Variants in LAMC3 observed in about 807,000 individuals in gnomAD.
LAMC3 encodes the protein laminin subunit gamma-3.
In LAMC3, 128 loss-of-function variants were observed where a neutral mutation model predicts 173.8. The observed-to-expected ratio is 0.74, with a 90% confidence interval of 0.64 to 0.85. LAMC3 has a LOEUF of 0.85. Among genes scored for constraint, LAMC3 ranks in the 40% least tolerant of loss-of-function variants. The pLI, the probability that LAMC3 is intolerant of heterozygous loss-of-function variation, is 0.00. For synonymous variants in LAMC3, 897 were observed against 909.1 expected, an observed-to-expected ratio of 0.99 and a Z score of 0.24; for missense variants, 2,022 against 2,156.0, an observed-to-expected ratio of 0.94 and a Z score of 1.23.
At position 131,087,811 on chromosome 9, in the gene LAMC3, A is replaced by G. The variant is rs775633231; in HGVS notation, c.4471A>G (p.Arg1491Gly). The G allele has an allele frequency of 7.4e-6, 12 of 1,613,742 alleles. No individual in the cohort carries two copies. The highest frequency in any genetic ancestry group is 1.0e-5 in the Non-Finnish European group (12 of 1,179,944). The change falls in exon 27 of 28, where the codon AGG becomes GGG. Residue 1491 changes from arginine to glycine, a missense_variant. By Grantham distance (125) the Arg-to-Gly change is moderately radical. Transcript: ENST00000361069. ...CGAGACCTTGTCAGAGCTGCTTGCC[A>G]GGCTGGGTAAGGAGGCCCTAAGGCT... ...DIETLSELLA[R>G]LGSLDTHQAP...
At chr9:131,035,547 C>T (rs1303455732) in intron 3 of LAMC3, among the ~76,000 whole-genome samples, 1 of 152,134 alleles carries the variant, frequency 6.6e-6, no homozygotes, top group Non-Finnish European at 1.5e-5. Context: ...CCTGATGATC[C>T]AATCAGCTCC....
At chr9:131,082,234 GC>G in intron 24 of LAMC3, 73 bp downstream of exon 24, 1 of 1,119,152 alleles carries the variant, frequency 8.9e-7, no homozygotes, top group Non-Finnish European at 1.3e-6. Flanking sequence ...TCTCGCCTCA[GC>G]CAGGGCAGGC....
intron 12 of LAMC3, among the ~76,000 whole-genome samples, chr9:131,058,324 G>A (rs1418431750): frequency 6.6e-6 from 1 of 151,948 alleles, no homozygotes; most frequent in Non-Finnish European, 1.5e-5. Flanking sequence ...CCATGTTGAG[G>A]CTGGTCTCAA....
Position 131,075,863 on chromosome 9 carries a change from C to G in LAMC3, c.3527C>G (p.Thr1176Ser), listed in dbSNP as rs760826711. Reference protein sequence around the residue: ...HRDTATKIAATAWRALLASNT... With the variant: ...HRDTATKIAASAWRALLASNT... ...GACACCGCCACCAAGATCGCAGCCA[C>G]TGCTTGGAGGGCCCTGCTCGCCTCC... The change falls in exon 21 of 28, where the codon ACT (threonine) becomes AGT (serine). Residue 1176 changes from threonine (T) to serine (S), a missense_variant. Thr to Ser is a moderately conservative substitution (Grantham distance 58). Coordinates refer to ENST00000361069, the MANE Select transcript of LAMC3 (RefSeq NM_006059.4). 8 of 1,612,536 alleles carry G rather than the reference C, an allele frequency of 5.0e-6. No individual in the cohort carries two copies. In the African/African-American group the frequency reaches 5.3e-5, roughly 11 times the overall value.
intron 27 of LAMC3, among the ~76,000 whole-genome samples, chr9:131,091,007 C>T (rs900280313): frequency 2.0e-5 from 3 of 152,166 alleles, no homozygotes; most frequent in Non-Finnish European, 2.9e-5. Flanking sequence ...GACAACAGAG[C>T]GAGACTCCGT....
At chr9:131,041,266 C>G (rs1834049913) in intron 6 of LAMC3, among the ~76,000 whole-genome samples, 1 of 150,754 alleles carries the variant, frequency 6.6e-6, no homozygotes, top group African/African-American at 2.4e-5. Context: ...ACTCAGGAGG[C>G]TGAGACAGGA....
chr9:131,056,515 A>G (rs1041451733), intron 11 of LAMC3, among the ~76,000 whole-genome samples: 3 of 135,284 alleles, frequency 2.2e-5, no homozygotes, highest in African/African-American at 5.3e-5. Flanking sequence ...ATAAAAATCA[A>G]CCAGCGCAGT....
rs1830005244 is a variant in LAMC3, at chr9:131,069,677, A to G, written c.2896A>G (p.Arg966Gly). Residue 966 changes from arginine to glycine, a missense_variant, in exon 17 of 28, where the codon AGG becomes GGG. By Grantham distance (125) the Arg-to-Gly change is moderately radical. Coordinates refer to ENST00000361069, the MANE Select transcript of LAMC3 (RefSeq NM_006059.4). ...GFSIKGCRACRCSPLGAASAQ... is the reference protein window; with the variant it reads ...GFSIKGCRACGCSPLGAASAQ... ...ACTGCCCCTGGCCCCTCTAGCCTGC[A>G]GGTGCTCCCCACTGGGCGCTGCCTC... 1 of 1,568,790 alleles carries G rather than the reference A, an allele frequency of 6.4e-7. No homozygotes were observed. Among genetic ancestry groups the G allele is most frequent in the South Asian group, 1.1e-5 (1 of 87,456 alleles).
intron 8 of LAMC3, 109 bp from the exon 9 acceptor site, chr9:131,048,911 C>T: frequency 1.5e-6 from 1 of 645,170 alleles, no homozygotes; most frequent in South Asian, 2.0e-5. Flanking sequence ...AGCTTTCTAG[C>T]TTCTCCTGGG....
rs1423057388 is a variant in LAMC3, at chr9:131,077,113, T to C, written c.3630-74T>C. On this transcript the variant is annotated intron_variant, in intron 21 of 27. Coordinates refer to ENST00000361069, the MANE Select transcript of LAMC3 (RefSeq NM_006059.4). ...GCAGAGGCCTTTGCAAACCAGTGGCTCCAGCCTGGGGCCCAGACAGGGATG... is the reference window on the plus strand; with the variant it reads ...GCAGAGGCCTTTGCAAACCAGTGGCCCCAGCCTGGGGCCCAGACAGGGATG... 20 of 1,596,118 alleles carry C rather than the reference T, an allele frequency of 1.3e-5. No individual in the cohort carries two copies. The East Asian group carries it at 4.5e-4, about 36-fold the overall frequency.
chr9:131,048,995 G>A, intron 8 of LAMC3, 25 bp from the exon 9 acceptor site: 3 of 1,456,994 alleles, frequency 2.1e-6, no homozygotes, highest in Non-Finnish European at 2.8e-6. Flanking sequence ...ACACTGATCG[G>A]GGGGTGTCTG....
rs766591439 is a variant in LAMC3, at chr9:131,068,167, G to T, written c.2683G>T (p.Ala895Ser). The T allele has an allele frequency of 1.2e-6, 2 of 1,613,218 alleles. No individual in the cohort carries two copies. The highest frequency in any genetic ancestry group is 1.7e-6 in the Non-Finnish European group (2 of 1,179,976). Residue 895 changes from alanine (A) to serine (S), a missense_variant, in exon 15 of 28, where the codon GCA becomes TCA. By Grantham distance (99) the Ala-to-Ser change is moderately conservative. Coordinates refer to ENST00000361069, the MANE Select transcript of LAMC3 (RefSeq NM_006059.4). ...ATGCTCCTGCCTGCCTCATGTGACT[G>T]CACGGGACTGCAGCCGCTGCTACCC... ...GQCSCLPHVT[A>S]RDCSRCYPGF...
At chr9:131,031,940 C>G in intron 2 of LAMC3, 105 bp from the exon 3 acceptor site, 1 of 1,602,604 alleles carries the variant, frequency 6.2e-7, no homozygotes, top group Admixed American at 1.7e-5. Context: ...GTTCCTGTGT[C>G]CCAGGAGCTC....
Position 131,009,331 on chromosome 9 carries a change from C to T in LAMC3, c.117C>T (p.Phe39=). 6.1e-6 allele frequency: 9 copies of T among 1,487,440 alleles called. No homozygotes were observed. Among genetic ancestry groups the T allele is most frequent in the Non-Finnish European group, 7.1e-6 (8 of 1,125,910 alleles). 92.1% of individuals were successfully genotyped at this position (1,487,440 alleles called of 1,614,324 possible). Residue 39 remains phenylalanine (F), a synonymous_variant, in exon 1 of 28, where the codon TTC becomes TTT. Coordinates refer to ENST00000361069, the MANE Select transcript of LAMC3 (RefSeq NM_006059.4). The surrounding 1 kb of genome is among the most constrained non-coding windows in gnomAD (Gnocchi z 4.3). ...GCCCGCAGCGCTGCCTGCCGGTGTT[C>T]GAGAACGCGGCGTTTGGGCGGCTCG... ...AGRPQRCLPV[F]ENAAFGRLAQ...
intron 22 of LAMC3, among the ~76,000 whole-genome samples, chr9:131,077,707 A>C (rs1479626912): frequency 2.7e-5 from 4 of 147,148 alleles, no homozygotes; most frequent in East Asian, 3.9e-4. Flanking sequence ...AAAAAAAAAA[A>C]AAAAAACTAT....
At chr9:131,012,267 C>T (rs532107712) in intron 1 of LAMC3, among the ~76,000 whole-genome samples, 41 of 152,298 alleles carry the variant, frequency 2.7e-4, no homozygotes, top group African/African-American at 7.5e-4. Context: ...ATAGAAATCA[C>T]GAAAGGAGGC....
intron 17 of LAMC3, among the ~76,000 whole-genome samples, chr9:131,070,585 C>T (rs896218138): frequency 6.6e-6 from 1 of 152,128 alleles, no homozygotes; most frequent in Non-Finnish European, 1.5e-5. Flanking sequence ...GTGGCGCGCA[C>T]CTGTAATCCC....
In LAMC3 at chr9:131,029,627, G is replaced by A. The variant is rs556546320; in HGVS notation, c.679-2418G>A. Among the ~76,000 whole-genome samples, 14 of 152,350 alleles carry A rather than the reference G, an allele frequency of 9.2e-5. No homozygotes were observed. The East Asian group carries it at 2.7e-3, about 29-fold the overall frequency. ...TCATGCTCCCTCTGGACACATTTAG[G>A]GGGCAGGTGCTTTCTCAGAGGACAC... is the stretch of plus-strand genomic sequence containing the variant. On this transcript the variant is annotated intron_variant, in intron 2 of 27. Transcript: ENST00000361069. The surrounding 1 kb of genome is among the most constrained non-coding windows in gnomAD (Gnocchi z 4.6).
intron 8 of LAMC3, among the ~76,000 whole-genome samples, chr9:131,047,051 T>C (rs1834179510): frequency 6.6e-6 from 1 of 152,048 alleles, no homozygotes; most frequent in Non-Finnish European, 1.5e-5. Flanking sequence ...CATGATCTGT[T>C]CTCACATTGG....
Sources: allele counts gnomAD v4.1 joint callset (sites outside exome capture counted in the v4.1 genomes callset), GRCh38; gene constraint gnomAD v4.1.1; non-coding constraint Gnocchi (gnomAD v3.1); transcripts MANE v1.5; gene names NCBI Gene and HGNC (gene_info 2026-07-23, HGNC 2026-07-21).